CCDC146: variants seen among roughly 807,000 people sequenced by gnomAD.
CCDC146 encodes coiled-coil domain containing 146, also known as coiled-coil domain-containing protein 146.
CCDC146 carries 92 observed loss-of-function variants against 119.3 expected under a neutral mutation model. The ratio of observed to expected loss-of-function variants is 0.77; its 90% CI spans 0.65 to 0.92. The LOEUF is 0.92. Among genes scored for constraint, CCDC146 ranks in the 40% least tolerant of loss-of-function variants. The pLI, the probability that CCDC146 is intolerant of heterozygous loss-of-function variation, is 0.00. For missense variants in CCDC146, 1,000 were observed against 1,103.0 expected (o/e 0.91, Z 1.32); for synonymous variants, 372 against 371.8 (o/e 1.00, Z -0.01).
intron 9 of CCDC146, among the ~76,000 whole-genome samples, chr7:77,265,062 G>A (rs985678369): frequency 6.6e-6 from 1 of 152,200 alleles, no homozygotes; most frequent in East Asian, 1.9e-4. Flanking sequence ...CTTGTTGGAA[G>A]CATTGGTTTA....
intron 2 of CCDC146, among the ~76,000 whole-genome samples, chr7:77,210,624 T>A (rs779983215): frequency 2.6e-5 from 4 of 152,222 alleles, no homozygotes; most frequent in Non-Finnish European, 4.4e-5. Flanking sequence ...AATGCCCCAC[T>A]TCTCTGGTAC....
In CCDC146 at chr7:77,163,469, T is replaced by C. The variant is rs115254662; in HGVS notation, c.-11-4189T>C. Among the ~76,000 whole-genome samples the C allele has an allele frequency of 1.2e-3, 177 of 152,110 alleles. 1 individual carries two copies. The highest frequency in any genetic ancestry group is 4.1e-3 in the African/African-American group (169 of 41,520). On this transcript the variant is annotated intron_variant, in intron 1 of 18. Coordinates refer to ENST00000285871, the MANE Select transcript of CCDC146 (RefSeq NM_020879.3). The stretch of plus-strand genomic sequence containing the variant: ...TCTCAAAAAAAAAAATACACATATA[T>C]ACGTATTTTTAAAATAAATAGATGC...
rs1023097131 is a variant in CCDC146 at position 77,261,633 on chromosome 7, G to A, written c.987-488G>A. Among the ~76,000 whole-genome samples, 515 of 151,666 alleles carry A rather than the reference G, an allele frequency of 3.4e-3. 2 individuals are homozygous for A. The highest frequency in any genetic ancestry group is 0.011 in the African/African-American group (473 of 41,358). ...GCTGGGACTACAGGCGCCCGCCACC[G>A]CGCCCGGCTAATTTTTTGTATTTTT... On this transcript the variant is annotated intron_variant, in intron 8 of 18. Coordinates refer to ENST00000285871, the MANE Select transcript of CCDC146 (RefSeq NM_020879.3).
chr7:77,136,216 T>C (rs1790858720), intron 1 of CCDC146, among the ~76,000 whole-genome samples: 1 of 152,120 alleles, frequency 6.6e-6, no homozygotes, highest in Non-Finnish European at 1.5e-5. Context: ...GTTTCCACCT[T>C]AGAATACTAG....
At chr7:77,132,663 G>A (rs551411053) in intron 1 of CCDC146, among the ~76,000 whole-genome samples, 8 of 152,186 alleles carry the variant, frequency 5.3e-5, no homozygotes, top group Admixed American at 5.2e-4. Context: ...GTTGAGTCCA[G>A]GATGTCAAGG....
At chr7:77,228,890 C>T (rs1035295386) in intron 2 of CCDC146, among the ~76,000 whole-genome samples, 2 of 152,188 alleles carry the variant, frequency 1.3e-5, no homozygotes, top group African/African-American at 4.8e-5. Flanking sequence ...AGGTTTATTA[C>T]ATAGGTAAAT....
intron 1 of CCDC146, among the ~76,000 whole-genome samples, chr7:77,159,985 A>G (rs1791233907): frequency 6.6e-6 from 1 of 152,192 alleles, no homozygotes; most frequent in African/African-American, 2.4e-5. Context: ...CTTTCTACAT[A>G]TGGCTAGCCA....
At chr7:77,191,685 G>A (rs1381761111) in intron 2 of CCDC146, among the ~76,000 whole-genome samples, 1 of 152,048 alleles carries the variant, frequency 6.6e-6, no homozygotes, top group Non-Finnish European at 1.5e-5. Flanking sequence ...AAGGTGGGCG[G>A]ATCACGAGGT....
At chr7:77,277,145 A>T (rs1793664292) in intron 11 of CCDC146, among the ~76,000 whole-genome samples, 2 of 152,148 alleles carry the variant, frequency 1.3e-5, no homozygotes, top group Admixed American at 1.3e-4. Context: ...GAAGAAAGCC[A>T]TCTTCACCAA....
chr7:77,193,537 CT>C (rs1791809152), intron 2 of CCDC146: 1 of 152,102 alleles, frequency 6.6e-6, no homozygotes, highest in South Asian at 2.1e-4. Context: ...TAACTTTTAC[CT>C]TTAAAACCTT....
chr7:77,235,668 C>T (rs1023613128), intron 2 of CCDC146, among the ~76,000 whole-genome samples: 2 of 152,130 alleles, frequency 1.3e-5, no homozygotes, highest in African/African-American at 4.8e-5. Context: ...TTAAAAAGAT[C>T]TCCCTGGCAG....
intron 1 of CCDC146, among the ~76,000 whole-genome samples, chr7:77,126,473 G>A (rs1267731620): frequency 2.6e-5 from 4 of 151,976 alleles, no homozygotes; most frequent in Non-Finnish European, 5.9e-5. Flanking sequence ...GCTCAGAGGA[G>A]ACCCACAGTG....
At chr7:77,162,183 G>T (rs1479322198) in intron 1 of CCDC146, among the ~76,000 whole-genome samples, 1 of 151,768 alleles carries the variant, frequency 6.6e-6, no homozygotes, top group East Asian at 1.9e-4. Flanking sequence ...TCCTTTTGTT[G>T]CCCATGCTTT....
At chr7:77,268,801 A>T (rs1449173260) in intron 9 of CCDC146, among the ~76,000 whole-genome samples, 1 of 152,234 alleles carries the variant, frequency 6.6e-6, no homozygotes, top group African/African-American at 2.4e-5. Context: ...ATTTTCCCTC[A>T]GGAAAAAGGC....
intron 2 of CCDC146, among the ~76,000 whole-genome samples, chr7:77,225,879 G>C (rs748958905): frequency 6.6e-6 from 1 of 152,122 alleles, no homozygotes; most frequent in African/African-American, 2.4e-5. Flanking sequence ...GGAGGCGGAG[G>C]TTGCAGTGAG....
intron 1 of CCDC146, among the ~76,000 whole-genome samples, chr7:77,138,773 G>C (rs114851314): frequency 0.012 from 1,768 of 152,272 alleles, 26 homozygotes; most frequent in African/African-American, 0.04. Flanking sequence ...ATGAATACAT[G>C]CTTCACATTG....
intron 2 of CCDC146, among the ~76,000 whole-genome samples, chr7:77,219,792 C>T (rs542872362): frequency 1.3e-5 from 2 of 152,136 alleles, no homozygotes; most frequent in Admixed American, 6.5e-5. Flanking sequence ...TTCTGTGATG[C>T]CCCCTGAGCC....
chr7:77,154,249 TG>T (rs1313753619), intron 1 of CCDC146, among the ~76,000 whole-genome samples: 1 of 152,160 alleles, frequency 6.6e-6, no homozygotes, highest in East Asian at 1.9e-4. Flanking sequence ...TTTTTACATT[TG>T]TCAAAACTCA....
chr7:77,231,611 G>A (rs1181112641), intron 2 of CCDC146, among the ~76,000 whole-genome samples: 1 of 151,856 alleles, frequency 6.6e-6, no homozygotes, highest in East Asian at 1.9e-4. Context: ...TTTCAATTAT[G>A]ATTTTCTACT....
Sources: allele counts gnomAD v4.1 joint callset (sites outside exome capture counted in the v4.1 genomes callset), GRCh38; gene constraint gnomAD v4.1.1; transcripts MANE v1.5; gene names NCBI Gene and HGNC (gene_info 2026-07-23, HGNC 2026-07-21).